ACBD6: variants seen among roughly 807,000 people sequenced by gnomAD.
ACBD6 encodes the protein acyl-CoA binding domain containing 6.
ACBD6 carries 28 observed loss-of-function variants against 37.2 expected under a neutral mutation model. The observed-to-expected ratio is 0.75, with a 90% confidence interval of 0.56 to 1.03. The LOEUF (loss-of-function observed/expected upper bound fraction) is 1.03. Ranked by LOEUF, ACBD6 falls within the 50% of genes least tolerant of loss-of-function variation. The pLI, the probability that ACBD6 is intolerant of heterozygous loss-of-function variation, is 0.00. For synonymous variants in ACBD6, 113 were observed against 126.8 expected (o/e 0.89, Z 0.73); for missense variants, 340 against 337.4 (o/e 1.01, Z -0.06).
chr1:180,417,402 T>C (rs1179141906), intron 4 of ACBD6, among the ~76,000 whole-genome samples: 1 of 152,198 alleles, frequency 6.6e-6, no homozygotes, highest in African/African-American at 2.4e-5. Flanking sequence ...CAAAAAAGCA[T>C]TCTGAGTGAT....
At chr1:180,465,649 T>C (rs1650319980) in intron 3 of ACBD6, among the ~76,000 whole-genome samples, 1 of 152,168 alleles carries the variant, frequency 6.6e-6, no homozygotes, top group Non-Finnish European at 1.5e-5. Flanking sequence ...AACCCAGTAA[T>C]CTCATTACTG....
At chr1:180,373,440 A>T (rs974890372) in intron 6 of ACBD6, among the ~76,000 whole-genome samples, 5 of 152,242 alleles carry the variant, frequency 3.3e-5, no homozygotes, top group Non-Finnish European at 5.9e-5. Context: ...GGAAAAGAGT[A>T]CTAGCCTTTA....
chr1:180,478,527 C>T (rs1650891042), intron 3 of ACBD6, among the ~76,000 whole-genome samples: 1 of 149,862 alleles, frequency 6.7e-6, no homozygotes, highest in African/African-American at 2.5e-5. Context: ...CATGCTGTGT[C>T]GCCCAGGCTG....
At chr1:180,477,947 G>T (rs1650863327) in intron 3 of ACBD6, among the ~76,000 whole-genome samples, 1 of 148,864 alleles carries the variant, frequency 6.7e-6, no homozygotes, top group Non-Finnish European at 1.5e-5. Context: ...TTCAGGTCTA[G>T]CCTAGGCAAC....
chr1:180,416,169 T>C (rs1648085598), intron 4 of ACBD6, among the ~76,000 whole-genome samples: 1 of 152,182 alleles, frequency 6.6e-6, no homozygotes, highest in Non-Finnish European at 1.5e-5. Flanking sequence ...TCTTACCTTC[T>C]ACAACCAAGC....
chr1:180,461,628 C>G (rs553023556), intron 3 of ACBD6, among the ~76,000 whole-genome samples: 1 of 152,188 alleles, frequency 6.6e-6, no homozygotes, highest in Non-Finnish European at 1.5e-5. Flanking sequence ...TTAAAGAAAA[C>G]TAATTCCAAC....
chr1:180,449,919 A>C (rs1271915656), intron 3 of ACBD6, among the ~76,000 whole-genome samples: 1 of 145,640 alleles, frequency 6.9e-6, no homozygotes, highest in African/African-American at 2.7e-5. Context: ...AAAAAAAAAA[A>C]CTTAAAAAAA....
At chr1:180,293,531 C>T (rs900446710) in intron 7 of ACBD6, among the ~76,000 whole-genome samples, 3 of 152,232 alleles carry the variant, frequency 2.0e-5, no homozygotes, top group South Asian at 4.1e-4. Flanking sequence ...TAGTCTCAAA[C>T]TCCTGACCTC....
intron 7 of ACBD6, among the ~76,000 whole-genome samples, chr1:180,296,793 A>AT (rs1649936227): frequency 6.6e-6 from 1 of 152,108 alleles, no homozygotes; most frequent in South Asian, 2.1e-4. Context: ...TAGGATTTTC[A>AT]TAACTAGAAA....
chr1:180,395,763 C>A (rs559636438), intron 6 of ACBD6, among the ~76,000 whole-genome samples: 1 of 152,068 alleles, frequency 6.6e-6, no homozygotes, highest in Non-Finnish European at 1.5e-5. Context: ...AAAAATTAAA[C>A]GTAGAATTAT....
At chr1:180,386,217 T>C (rs1400370660) in intron 6 of ACBD6, among the ~76,000 whole-genome samples, 7 of 152,174 alleles carry the variant, frequency 4.6e-5, no homozygotes, top group Admixed American at 4.6e-4. Context: ...TGAGATAAGT[T>C]AGGTGTATTA....
chr1:180,376,374 T>C (rs954253310), intron 6 of ACBD6, among the ~76,000 whole-genome samples: 2 of 152,216 alleles, frequency 1.3e-5, no homozygotes, highest in Non-Finnish European at 2.9e-5. Flanking sequence ...AATACATATG[T>C]ACAAGGTTAT....
intron 6 of ACBD6, among the ~76,000 whole-genome samples, chr1:180,378,469 T>C (rs1036608050): frequency 6.6e-6 from 1 of 152,220 alleles, no homozygotes; most frequent in African/African-American, 2.4e-5. Context: ...CCAATGTTAA[T>C]GTCCTAATTT....
chr1:180,427,403 C>G (rs1205999994), intron 4 of ACBD6, among the ~76,000 whole-genome samples: 1 of 152,176 alleles, frequency 6.6e-6, no homozygotes, highest in Non-Finnish European at 1.5e-5. Context: ...ACTTTCGCCT[C>G]AGTTAAATAT....
At chr1:180,278,345 CTT>C (rs1649166671) in intron 9 of ACBD6, 1 of 149,996 alleles carries the variant, frequency 6.7e-6, no homozygotes, top group Non-Finnish European at 1.5e-5. Flanking sequence ...TGGCTCTCTT[CTT>C]TCTTGGATTG....
At chr1:180,404,832 A>G (rs1647544669) in intron 5 of ACBD6, among the ~76,000 whole-genome samples, 3 of 152,220 alleles carry the variant, frequency 2.0e-5, no homozygotes, top group Admixed American at 6.5e-5. Context: ...TGTATATTTT[A>G]CCACAATTAA....
chr1:180,468,049 G>T (rs1650418277), intron 3 of ACBD6, among the ~76,000 whole-genome samples: 1 of 152,128 alleles, frequency 6.6e-6, no homozygotes, highest in Non-Finnish European at 1.5e-5. Flanking sequence ...TGGCAGGAGT[G>T]GAGGAAAAGC....
chr1:180,499,050 C>T (rs1396302987), intron 1 of ACBD6, among the ~76,000 whole-genome samples: 1 of 152,054 alleles, frequency 6.6e-6, no homozygotes, highest in Non-Finnish European at 1.5e-5. Flanking sequence ...ATTCTGAAGC[C>T]ATAGGCTTAT....
chr1:180,422,640 T>C (rs1008385629), intron 4 of ACBD6, among the ~76,000 whole-genome samples: 1 of 152,194 alleles, frequency 6.6e-6, no homozygotes, highest in African/African-American at 2.4e-5. Flanking sequence ...TGTCATGACA[T>C]TTCTCTGCTT....
Sources: gnomAD v4.1 joint callset for allele counts (sites outside exome capture counted in the v4.1 genomes callset) on GRCh38, gnomAD v4.1.1 for gene constraint, MANE v1.5 for transcripts, NCBI Gene and HGNC (gene_info 2026-07-23, HGNC 2026-07-21) for gene names.